PAFAH1B2: variants seen among roughly 807,000 people sequenced by gnomAD.
PAFAH1B2 encodes platelet activating factor acetylhydrolase 1b catalytic subunit 2, also known as platelet-activating factor acetylhydrolase IB subunit alpha2.
In PAFAH1B2, 8 loss-of-function variants were observed where a neutral mutation model predicts 28.0. That is an observed-to-expected ratio of 0.29 (90% CI 0.17 to 0.52). PAFAH1B2 has a LOEUF of 0.52. Among genes scored for constraint, PAFAH1B2 ranks in the 20% least tolerant of loss-of-function variants. The pLI, the probability that PAFAH1B2 is intolerant of heterozygous loss-of-function variation, is 0.97. For missense variants in PAFAH1B2, 190 were observed against 282.6 expected, an observed-to-expected ratio of 0.67 and a Z score of 2.35; for synonymous variants, 104 against 103.2, an observed-to-expected ratio of 1.01 and a Z score of -0.05.
intron 1 of PAFAH1B2, among the ~76,000 whole-genome samples, chr11:117,150,904 C>T (rs569486473): frequency 4.0e-5 from 6 of 150,958 alleles, no homozygotes; most frequent in Non-Finnish European, 7.4e-5. Context: ...AGGAGAATGG[C>T]GTGAACCCGG....
intron 1 of PAFAH1B2, among the ~76,000 whole-genome samples, chr11:117,151,029 G>T (rs1204605627): frequency 6.7e-6 from 1 of 149,594 alleles, no homozygotes; most frequent in Non-Finnish European, 1.5e-5. Flanking sequence ...TCTATAAACC[G>T]CAAAACCCCA....
At chr11:117,171,629 C>A (rs770980467), downstream of PAFAH1B2, 1 of 1,290,732 alleles carries the variant, frequency 7.7e-7, no homozygotes, top group Non-Finnish European at 1.1e-6. Context: ...CAGGGTAAAG[C>A]AGCCGCCTCC....
At chr11:117,149,796 G>C (rs1372837674) in intron 1 of PAFAH1B2, among the ~76,000 whole-genome samples, 5 of 152,066 alleles carry the variant, frequency 3.3e-5, no homozygotes. Flanking sequence ...CACATGAACA[G>C]TAATTGGCAT....
At chr11:117,172,377 TATATATATATATATATATA>T (rs1956678209), downstream of PAFAH1B2, among the ~76,000 whole-genome samples, 8 of 2,510 alleles carry the variant, frequency 3.2e-3, no homozygotes, top group South Asian at 8.5e-3. Context: ...TATATATATA[TATATATATATATATATATA>T]TATATATATT....
Position 117,169,715 on chromosome 11 carries a change from G to A in PAFAH1B2, c.*2016G>A, listed in dbSNP as rs1241182938. 1 of 1,057,290 alleles carries A rather than the reference G, an allele frequency of 9.5e-7. No individual in the cohort carries two copies. The highest frequency in any genetic ancestry group is 1.7e-5 in the African/African-American group (1 of 60,534). 65.5% of individuals were successfully genotyped at this position (1,057,290 alleles called of 1,614,324 possible). ...AAAAATTTCCTTTTTATTTTTAGTA[G>A]CCCAGGTTGAGTTTTTCACAAGAGA... On this transcript the variant is annotated 3_prime_UTR_variant, in exon 6 of 6. Transcript: ENST00000527958.
chr11:117,178,020 A>G (rs1056104309), downstream of PAFAH1B2, among the ~76,000 whole-genome samples: 1 of 151,680 alleles, frequency 6.6e-6, no homozygotes, highest in Non-Finnish European at 1.5e-5. Flanking sequence ...CTGCCCAGGT[A>G]TTTTTATCTG....
intron 2 of PAFAH1B2, among the ~76,000 whole-genome samples, chr11:117,157,515 T>TTC (rs879646099): frequency 6.8e-4 from 103 of 152,330 alleles, no homozygotes; most frequent in Admixed American, 4.5e-3. Context: ...TGTGGATGAA[T>TTC]ATCTGAGTTT....
chr11:117,151,753 T>C (rs541063817), intron 1 of PAFAH1B2, among the ~76,000 whole-genome samples: 1 of 151,862 alleles, frequency 6.6e-6, no homozygotes, highest in South Asian at 2.1e-4. Context: ...CAGGCTGGAG[T>C]GCATTGGCAC....
At chr11:117,174,164 TTGTGTGTGTGTGTG>T (rs55735449), downstream of PAFAH1B2, among the ~76,000 whole-genome samples, 5,827 of 138,908 alleles carry the variant, frequency 0.042, 357 homozygotes, top group African/African-American at 0.14. Context: ...TTCATGTCTT[TTGTGTGTGTGTGTG>T]TGTGTGTGTG....
downstream of PAFAH1B2, chr11:117,171,593 G>A (rs1956651063): frequency 7.2e-6 from 6 of 833,984 alleles, no homozygotes; most frequent in South Asian, 1.4e-5. Context: ...CCTTGAGCAC[G>A]GACTCATTTA....
chr11:117,152,167 T>C (rs1956166606), intron 1 of PAFAH1B2, among the ~76,000 whole-genome samples: 1 of 152,184 alleles, frequency 6.6e-6, no homozygotes, highest in South Asian at 2.1e-4. Context: ...AGGTATAAAG[T>C]ATATACTTGG....
In PAFAH1B2 at chr11:117,170,570, C is replaced by T; in HGVS notation, c.*2871C>T. On this transcript the variant is annotated 3_prime_UTR_variant, in exon 6 of 6. Transcript: ENST00000527958. ...CAGAATCTTTTGTCAGAAACCTTAA[C>T]CCAACAAAACAAATCTTGAGTAGCT... 9.5e-7 allele frequency: 1 copy of T among 1,053,052 alleles called. No homozygotes were observed. Among genetic ancestry groups the T allele is most frequent in the Non-Finnish European group, 1.1e-6 (1 of 874,026 alleles). The allele number at this position is 1,053,052 out of a possible 1,614,324, so 65.2% of individuals were successfully genotyped here.
At chr11:117,157,299 T>C (rs1956274628) in intron 2 of PAFAH1B2, among the ~76,000 whole-genome samples, 1 of 151,454 alleles carries the variant, frequency 6.6e-6, no homozygotes, top group Non-Finnish European at 1.5e-5. Context: ...TATATATATA[T>C]ATATAGTTTG....
In PAFAH1B2 at chr11:117,144,396, G is replaced by T. The variant is rs1955941308; in HGVS notation, c.-30G>T. 2.4e-6 allele frequency: 1 copy of T among 410,172 alleles called. No homozygotes were observed. Among genetic ancestry groups the T allele is most frequent in the Admixed American group, 2.5e-5 (1 of 39,446 alleles). The allele number at this position is 410,172 out of a possible 1,614,324, so 25.4% of individuals were successfully genotyped here. ...CCCGCCGACGCCTCAGCCGCTTGGG[G>T]CCCGCACGGACCCTCTACTTCAGTG... is the stretch of plus-strand genomic sequence containing the variant. On this transcript the variant is annotated 5_prime_UTR_variant, in exon 1 of 6. Transcript: ENST00000527958.
chr11:117,150,352 G>C (rs1319513480), intron 1 of PAFAH1B2, among the ~76,000 whole-genome samples: 3 of 152,052 alleles, frequency 2.0e-5, no homozygotes, highest in East Asian at 3.9e-4. Context: ...GTTTCACCAT[G>C]TTGGCCAGGC....
chr11:117,153,221 G>A (rs2134179278), intron 2 of PAFAH1B2, among the ~76,000 whole-genome samples: 1 of 152,256 alleles, frequency 6.6e-6, no homozygotes, highest in Admixed American at 6.5e-5. Flanking sequence ...TTGGAACTGG[G>A]AAATATTTTA....
intron 2 of PAFAH1B2, among the ~76,000 whole-genome samples, chr11:117,158,714 G>A (rs1225218364): frequency 6.7e-6 from 1 of 148,160 alleles, no homozygotes; most frequent in Non-Finnish European, 1.5e-5. Context: ...GCATGATCCC[G>A]GCTCACTGCA....
At chr11:117,171,704 A>G (rs765663499), downstream of PAFAH1B2, 21 of 1,535,710 alleles carry the variant, frequency 1.4e-5, no homozygotes, top group South Asian at 2.3e-4. Flanking sequence ...ATCGGGACCT[A>G]TCCTGATGAC....
At position 117,163,755 on chromosome 11, in the gene PAFAH1B2, T is replaced by C. The variant is rs2134205627; in HGVS notation, c.289-15T>C. 6.2e-7 allele frequency: 1 copy of C among 1,613,026 alleles called. No individual in the cohort carries two copies. The highest frequency in any genetic ancestry group is 1.3e-5 in the African/African-American group (1 of 75,010). On this transcript the variant is annotated splice_polypyrimidine_tract_variant and intron_variant, in intron 4 of 5. Coordinates refer to ENST00000527958, the MANE Select transcript of PAFAH1B2 (RefSeq NM_002572.4). ...TATTTATCTTCTCCTTCCCCCCTTT[T>C]TTCTTCAATTGCAGGTCATTGTTGT...
Sources: allele counts gnomAD v4.1 joint callset (sites outside exome capture counted in the v4.1 genomes callset), GRCh38; gene constraint gnomAD v4.1.1; transcripts MANE v1.5; gene names NCBI Gene and HGNC (gene_info 2026-07-23, HGNC 2026-07-21).